GTF2IRD1: variants seen among roughly 807,000 people sequenced by gnomAD.
The protein encoded by GTF2IRD1 is general transcription factor II-I repeat domain-containing protein 1.
A neutral mutation model predicts 113.2 loss-of-function variants in GTF2IRD1; 26 were observed. The observed-to-expected ratio is 0.23, with a 90% CI of 0.17 to 0.32. GTF2IRD1 has a LOEUF of 0.32. Ranked by LOEUF, GTF2IRD1 falls within the 10% of genes least tolerant of loss-of-function variation. The pLI is 1.00. For missense variants in GTF2IRD1, 864 were observed against 1,280.8 expected (o/e 0.67, Z 4.97); for synonymous variants, 484 against 529.1 (o/e 0.91, Z 1.17).
intron 4 of GTF2IRD1, 127 bp from the exon 5 acceptor site, chr7:74,518,012 G>C (rs1554345023): frequency 1.8e-6 from 1 of 564,908 alleles, no homozygotes; most frequent in Non-Finnish European, 3.0e-6. Flanking sequence ...GCAGTTATGA[G>C]GGGTCCATGG....
chr7:74,500,955 TTATG>T (rs1795996648), intron 1 of GTF2IRD1, among the ~76,000 whole-genome samples: 1 of 152,060 alleles, frequency 6.6e-6, no homozygotes, highest in Admixed American at 6.6e-5. Flanking sequence ...TCCTGCTTCT[TTATG>T]TATGTATGTA....
intron 22 of GTF2IRD1, among the ~76,000 whole-genome samples, chr7:74,575,418 T>C (rs1426561523): frequency 6.6e-6 from 1 of 152,130 alleles, no homozygotes; most frequent in Non-Finnish European, 1.5e-5. Context: ...GATTTTGACT[T>C]TTGCTCAGAG....
In GTF2IRD1 at chr7:74,454,013, C is replaced by T. The variant is rs1792772727; in HGVS notation, c.-170C>T. The stretch of plus-strand genomic sequence containing the variant: ...CGATTCCCCCCCCGCGCCCCCTCCC[C>T]GCGCCTCCCTCCCCGCCCTCGCCGC... On this transcript the variant is annotated 5_prime_UTR_variant, in exon 1 of 27. Coordinates refer to ENST00000424337, the MANE Select transcript of GTF2IRD1 (RefSeq NM_005685.4). The T allele has an allele frequency of 6.7e-6, 1 of 149,862 alleles. No individual in the cohort carries two copies. Among genetic ancestry groups the T allele is most frequent in the Non-Finnish European group, 1.5e-5 (1 of 67,038 alleles). 9.3% of individuals were successfully genotyped at this position (149,862 alleles called of 1,614,324 possible). A position where few individuals can be genotyped will look rare whatever the true frequency, so the allele number is the denominator to read the frequency against.
chr7:74,591,825 G>T (rs1259778177), intron 24 of GTF2IRD1, among the ~76,000 whole-genome samples: 1 of 151,914 alleles, frequency 6.6e-6, no homozygotes. Flanking sequence ...TCACTGTATT[G>T]CCCAGGCTGG....
intron 22 of GTF2IRD1, among the ~76,000 whole-genome samples, chr7:74,563,196 C>T (rs1372522789): frequency 1.1e-4 from 16 of 151,648 alleles, no homozygotes; most frequent in Non-Finnish European, 2.2e-4. Context: ...GAGTGGAAAC[C>T]GAGTGGTGAA....
intron 1 of GTF2IRD1, among the ~76,000 whole-genome samples, chr7:74,491,698 C>T (rs1388703488): frequency 1.3e-5 from 2 of 152,090 alleles, no homozygotes; most frequent in East Asian, 3.9e-4. Flanking sequence ...ATGGTGTATA[C>T]CTACCACATT....
intron 14 of GTF2IRD1, among the ~76,000 whole-genome samples, chr7:74,542,878 G>C (rs1376408452): frequency 6.6e-6 from 1 of 152,232 alleles, no homozygotes; most frequent in Non-Finnish European, 1.5e-5. Context: ...CAGCATCATT[G>C]CTGTTTGTTT....
intron 1 of GTF2IRD1, among the ~76,000 whole-genome samples, chr7:74,468,367 A>G (rs1436443874): frequency 6.6e-6 from 1 of 151,644 alleles, no homozygotes; most frequent in Non-Finnish European, 1.5e-5. Context: ...TAAAAAAAAA[A>G]AAAAAACCCA....
chr7:74,515,866 T>C (rs1554344549), intron 4 of GTF2IRD1, among the ~76,000 whole-genome samples: 1 of 152,188 alleles, frequency 6.6e-6, no homozygotes, highest in Admixed American at 6.5e-5. Context: ...GCCCCAGGCT[T>C]GCCACGGTCT....
At chr7:74,565,375 A>G (rs1337230235) in intron 22 of GTF2IRD1, among the ~76,000 whole-genome samples, 1 of 151,966 alleles carries the variant, frequency 6.6e-6, no homozygotes, top group Non-Finnish European at 1.5e-5. Flanking sequence ...AAATACAAAA[A>G]TTAGCCAGGC....
intron 8 of GTF2IRD1, among the ~76,000 whole-genome samples, chr7:74,524,742 T>C (rs1313720027): frequency 7.2e-5 from 11 of 152,158 alleles, no homozygotes; most frequent in African/African-American, 2.7e-4. Context: ...AATACACGCC[T>C]GTAATCCCAG....
chr7:74,463,029 G>T (rs1455285713), intron 1 of GTF2IRD1, among the ~76,000 whole-genome samples: 1 of 152,164 alleles, frequency 6.6e-6, no homozygotes, highest in African/African-American at 2.4e-5. Context: ...GGAGTCTGGG[G>T]TTCCTGGTGG....
rs782711397 is a variant in GTF2IRD1, at chr7:74,515,377, C to A, written c.266-64C>A. Reference sequence around the variant, plus strand: ...AGCTCAGCACAGGGCAGCGACATCCCAGCTCGAAGGCCGGGTGGTGAGACG... The same window carrying A: ...AGCTCAGCACAGGGCAGCGACATCCAAGCTCGAAGGCCGGGTGGTGAGACG... On this transcript the variant is annotated intron_variant, in intron 3 of 26. Coordinates refer to ENST00000424337, the MANE Select transcript of GTF2IRD1 (RefSeq NM_005685.4). The A allele has an allele frequency of 3.9e-6, 6 of 1,545,614 alleles. No homozygotes were observed. In the South Asian group the frequency reaches 5.9e-5, roughly 15 times the overall value.
chr7:74,464,895 A>G (rs938143869), intron 1 of GTF2IRD1, among the ~76,000 whole-genome samples: 1 of 151,682 alleles, frequency 6.6e-6, no homozygotes, highest in African/African-American at 2.4e-5. Context: ...CAAAGGCTGG[A>G]CCCTGGGGCC....
At chr7:74,519,227 C>T (rs1159303095) in intron 5 of GTF2IRD1, among the ~76,000 whole-genome samples, 182 bp from the exon 6 acceptor site, 1 of 152,196 alleles carries the variant, frequency 6.6e-6, no homozygotes, top group African/African-American at 2.4e-5. Context: ...TGGCCCTGGG[C>T]ACACCATTCC....
At chr7:74,595,147 T>A in intron 25 of GTF2IRD1, 96 bp downstream of exon 25, 3 of 793,824 alleles carry the variant, frequency 3.8e-6, no homozygotes, top group Non-Finnish European at 6.2e-6. Context: ...GGCTCATGCC[T>A]GTAATCCCAG....
At chr7:74,515,278 G>A (rs1796862016) in intron 3 of GTF2IRD1, 163 bp from the exon 4 acceptor site, 1 of 1,447,070 alleles carries the variant, frequency 6.9e-7, no homozygotes, top group East Asian at 2.5e-5. Flanking sequence ...GGGGTGGTTG[G>A]AATAGGGCTT....
chr7:74,502,243 A>T (rs1464278496), intron 1 of GTF2IRD1, among the ~76,000 whole-genome samples: 1 of 152,178 alleles, frequency 6.6e-6, no homozygotes, highest in Non-Finnish European at 1.5e-5. Context: ...CCGGCCAGAA[A>T]GGGGAGTTTA....
In GTF2IRD1 at chr7:74,555,319, T is replaced by C. The variant is rs1554356403; in HGVS notation, c.1966+96T>C. The C allele has an allele frequency of 6.8e-7, 1 of 1,467,152 alleles. No individual in the cohort carries two copies. The highest frequency in any genetic ancestry group is 9.5e-7 in the Non-Finnish European group (1 of 1,048,748). 90.9% of individuals were successfully genotyped at this position (1,467,152 alleles called of 1,614,324 possible). On this transcript the variant is annotated intron_variant, in intron 18 of 26. Coordinates refer to ENST00000424337, the MANE Select transcript of GTF2IRD1 (RefSeq NM_005685.4). This position sits in a 1 kb window ranked among gnomAD's most constrained non-coding sequence, Gnocchi z 5.3. ...CCTCCTCCTGCTGCCTCTGTCCTGC[T>C]CCCATCCTGGCCCTGGCATTCTCCC...
Sources: gnomAD v4.1 joint callset for allele counts (sites outside exome capture counted in the v4.1 genomes callset) on GRCh38, gnomAD v4.1.1 for gene constraint, Gnocchi (gnomAD v3.1) non-coding constraint, MANE v1.5 for transcripts, NCBI Gene and HGNC (gene_info 2026-07-23, HGNC 2026-07-21) for gene names.